PCDH7: variants seen among roughly 807,000 people sequenced by gnomAD.
The protein encoded by PCDH7 is protocadherin 7, also known as protocadherin-7.
PCDH7 carries 17 observed loss-of-function variants against 58.9 expected under a neutral mutation model. The observed-to-expected ratio is 0.29, with a 90% CI of 0.20 to 0.43. PCDH7 has a LOEUF of 0.43. PCDH7 is among the 20% of genes least tolerant of loss of function. The pLI is 1.00. For synonymous variants in PCDH7, 664 were observed against 616.4 expected (o/e 1.08, Z -1.14); for missense variants, 1,274 against 1,441.0 (o/e 0.88, Z 1.88).
intron 1 of PCDH7, among the ~76,000 whole-genome samples, chr4:30,881,082 T>G (rs1338246066): frequency 6.6e-6 from 1 of 152,122 alleles, no homozygotes; most frequent in Non-Finnish European, 1.5e-5. Flanking sequence ...ATCAAATTTG[T>G]TGAACAGTAT....
At chr4:30,942,383 T>G (rs1746150216) in intron 2 of PCDH7, among the ~76,000 whole-genome samples, 1 of 152,056 alleles carries the variant, frequency 6.6e-6, no homozygotes, top group Non-Finnish European at 1.5e-5. Context: ...AGAGCCTTGA[T>G]GAAGTGTGCT....
chr4:31,064,821 T>A (rs755904127), intron 3 of PCDH7, among the ~76,000 whole-genome samples: 6 of 151,976 alleles, frequency 3.9e-5, no homozygotes, highest in Non-Finnish European at 7.4e-5. Context: ...TGGAACTTTA[T>A]CTTATCTTTT....
intron 3 of PCDH7, among the ~76,000 whole-genome samples, chr4:31,061,543 G>A (rs1348972098): frequency 7.1e-6 from 1 of 140,064 alleles, no homozygotes; most frequent in African/African-American, 2.6e-5. Flanking sequence ...TTCTGGACTT[G>A]GAGAAAAAAA....
intron 3 of PCDH7, among the ~76,000 whole-genome samples, chr4:31,000,400 A>G (rs1329989885): frequency 3.3e-5 from 5 of 152,168 alleles, no homozygotes; most frequent in Non-Finnish European, 5.9e-5. Flanking sequence ...GCCTTCAATT[A>G]CAAGGTATAT....
At chr4:30,944,799 C>A (rs1333438065) in intron 2 of PCDH7, among the ~76,000 whole-genome samples, 1 of 152,034 alleles carries the variant, frequency 6.6e-6, no homozygotes, top group East Asian at 1.9e-4. Flanking sequence ...AAATTGTAAG[C>A]AAATATTACT....
intron 3 of PCDH7, among the ~76,000 whole-genome samples, chr4:31,084,742 ATGAG>A (rs1712132413): frequency 1.9e-5 from 1 of 51,590 alleles, no homozygotes; most frequent in African/African-American, 8.0e-5. Flanking sequence ...AGGGGAGGGG[ATGAG>A]GGAGGGGAGG....
intron 1 of PCDH7, among the ~76,000 whole-genome samples, chr4:30,896,185 C>G (rs753635762): frequency 6.6e-6 from 1 of 151,936 alleles, no homozygotes; most frequent in Non-Finnish European, 1.5e-5. Flanking sequence ...CATTTTGGAC[C>G]GTAAATTTGG....
chr4:31,017,443 G>A (rs1753704815), intron 3 of PCDH7, among the ~76,000 whole-genome samples: 1 of 152,100 alleles, frequency 6.6e-6, no homozygotes, highest in East Asian at 1.9e-4. Context: ...GATCTAAACA[G>A]TTCCCTGCAC....
intron 3 of PCDH7, among the ~76,000 whole-genome samples, chr4:30,993,021 A>C (rs1011219368): frequency 2.1e-4 from 32 of 151,320 alleles, no homozygotes; most frequent in Admixed American, 3.9e-4. Flanking sequence ...CTGGTCTCGA[A>C]CTCCTCACCT....
intron 1 of PCDH7, among the ~76,000 whole-genome samples, chr4:30,829,071 A>G (rs1049103951): frequency 3.3e-5 from 5 of 152,000 alleles, no homozygotes; most frequent in Admixed American, 2.0e-4. Flanking sequence ...GTGCAGATAC[A>G]CATGTACCTG....
At chr4:31,016,395 T>A (rs972676529) in intron 3 of PCDH7, among the ~76,000 whole-genome samples, 12 of 146,592 alleles carry the variant, frequency 8.2e-5, no homozygotes, top group Non-Finnish European at 9.1e-5. Context: ...AAAAGACAGA[T>A]CTTTTTTTTT....
intron 3 of PCDH7, among the ~76,000 whole-genome samples, chr4:31,090,853 A>G (rs1464841851): frequency 6.6e-6 from 1 of 152,034 alleles, no homozygotes; most frequent in African/African-American, 2.4e-5. Flanking sequence ...TGTCTCCATT[A>G]CAGAATACCT....
intron 1 of PCDH7, among the ~76,000 whole-genome samples, chr4:30,869,439 C>A (rs1735269608): frequency 6.6e-6 from 1 of 152,042 alleles, no homozygotes; most frequent in Admixed American, 6.6e-5. Context: ...TCCCTAAACC[C>A]CACCCACTGA....
At chr4:30,989,741 T>C (rs13102223) in intron 3 of PCDH7, among the ~76,000 whole-genome samples, 26,109 of 152,074 alleles carry the variant, frequency 0.17, 2,821 homozygotes, top group South Asian at 0.27. Flanking sequence ...AATGATTGAA[T>C]AGGGGTTATG....
chr4:30,975,511 C>T (rs1419519914), intron 3 of PCDH7, among the ~76,000 whole-genome samples: 1 of 152,098 alleles, frequency 6.6e-6, no homozygotes, highest in African/African-American at 2.4e-5. Context: ...CAATTTTCAG[C>T]AGACACATTC....
At chr4:30,969,995 A>G (rs1173693465) in intron 3 of PCDH7, among the ~76,000 whole-genome samples, 1 of 152,170 alleles carries the variant, frequency 6.6e-6, no homozygotes, top group Non-Finnish European at 1.5e-5. Flanking sequence ...AATGTAATCA[A>G]GACTTAACAA....
intron 1 of PCDH7, among the ~76,000 whole-genome samples, chr4:30,841,967 T>G (rs1731273019): frequency 6.8e-6 from 1 of 147,786 alleles, no homozygotes; most frequent in South Asian, 2.1e-4. Context: ...ATATTATATA[T>G]TTTTTTAGGA....
intron 3 of PCDH7, among the ~76,000 whole-genome samples, chr4:31,078,117 G>T (rs1358164177): frequency 6.6e-6 from 1 of 152,116 alleles, no homozygotes; most frequent in African/African-American, 2.4e-5. Context: ...ACAAATTAGG[G>T]ACTAAGCGCA....
At chr4:30,884,330 T>A (rs1737393734) in intron 1 of PCDH7, 1 of 152,174 alleles carries the variant, frequency 6.6e-6, no homozygotes, top group African/African-American at 2.4e-5. Flanking sequence ...GCAATGTGAT[T>A]TCCAGCTTTG....
Sources: gnomAD v4.1 joint callset for allele counts (sites outside exome capture counted in the v4.1 genomes callset) on GRCh38, gnomAD v4.1.1 for gene constraint, MANE v1.5 for transcripts, NCBI Gene and HGNC (gene_info 2026-07-23, HGNC 2026-07-21) for gene names.